The following CHL1 variants were observed in gnomAD, a reference collection of about 807,000 sequenced individuals.
CHL1 encodes neural cell adhesion molecule L1-like protein.
CHL1 carries 96 observed loss-of-function variants against 141.9 expected under a neutral mutation model. That is an observed-to-expected ratio of 0.68 (90% confidence interval 0.57 to 0.80). CHL1 has a LOEUF of 0.80. CHL1 is among the 30% of genes least tolerant of loss of function. The pLI is 0.00. For missense variants in CHL1, 1,820 were observed against 1,457.2 expected, an observed-to-expected ratio of 1.25 and a Z score of -4.05; for synonymous variants, 613 against 502.2, an observed-to-expected ratio of 1.22 and a Z score of -2.95.
intron 11 of CHL1, 81 bp from the exon 12 acceptor site, chr3:360,203 T>G: frequency 6.7e-7 from 1 of 1,490,514 alleles, no homozygotes; most frequent in Non-Finnish European, 9.2e-7. Flanking sequence ...ATATAAATAC[T>G]GTGTGACACA....
chr3:380,022 T>C (rs913515426), intron 16 of CHL1, among the ~76,000 whole-genome samples: 3 of 152,150 alleles, frequency 2.0e-5, no homozygotes, highest in Non-Finnish European at 4.4e-5. Flanking sequence ...TTTTTAAAAG[T>C]TTCAGTTGCA....
At chr3:272,202 A>G (rs1039645906) in intron 2 of CHL1, among the ~76,000 whole-genome samples, 2 of 152,184 alleles carry the variant, frequency 1.3e-5, no homozygotes, top group Non-Finnish European at 2.9e-5. Context: ...GAAACACATT[A>G]CATTTGTATA....
At chr3:221,612 G>A (rs145609283) in intron 1 of CHL1, among the ~76,000 whole-genome samples, 5 of 152,298 alleles carry the variant, frequency 3.3e-5, no homozygotes, top group South Asian at 4.1e-4. Flanking sequence ...GAGGGAATTC[G>A]CATGAGCAAC....
At chr3:327,140 G>A (rs1312815938) in intron 4 of CHL1, among the ~76,000 whole-genome samples, 1 of 151,924 alleles carries the variant, frequency 6.6e-6, no homozygotes, top group Admixed American at 6.6e-5. Flanking sequence ...AGTAAAATAA[G>A]TCAGGAGGGT....
chr3:381,373 T>G (rs1707017262), intron 16 of CHL1, among the ~76,000 whole-genome samples: 1 of 151,994 alleles, frequency 6.6e-6, no homozygotes, highest in South Asian at 2.1e-4. Flanking sequence ...TATACTGAGG[T>G]TTGCAGTGGG....
chr3:349,154 CT>C (rs2125194033), intron 9 of CHL1, among the ~76,000 whole-genome samples: 1 of 152,310 alleles, frequency 6.6e-6, no homozygotes, highest in Admixed American at 6.5e-5. Context: ...ACTGGAGGAA[CT>C]TTCAGTGAAA....
At chr3:364,169 T>C (rs1265695384) in intron 14 of CHL1, 1 of 152,232 alleles carries the variant, frequency 6.6e-6, no homozygotes, top group African/African-American at 2.4e-5. Context: ...TTTTTCATCC[T>C]GTTTTCCTTT....
At chr3:198,024 C>A (rs960247180) in intron 1 of CHL1, 2 of 340,346 alleles carry the variant, frequency 5.9e-6, no homozygotes, top group Non-Finnish European at 1.2e-5. Context: ...AGTGTCTCAG[C>A]CAGGGGCAGG....
intron 8 of CHL1, among the ~76,000 whole-genome samples, chr3:344,357 T>C (rs962868108): frequency 1.3e-5 from 2 of 152,118 alleles, no homozygotes; most frequent in African/African-American, 4.8e-5. Context: ...ATAATATTTA[T>C]AAAATTTTGC....
intron 1 of CHL1, among the ~76,000 whole-genome samples, chr3:227,656 G>A (rs1445104977): frequency 6.6e-6 from 1 of 152,212 alleles, no homozygotes; most frequent in African/African-American, 2.4e-5. Flanking sequence ...TGAAATGTCA[G>A]CTTTCTTTAT....
intron 10 of CHL1, among the ~76,000 whole-genome samples, chr3:351,728 C>T (rs1703279643): frequency 6.6e-6 from 1 of 152,064 alleles, no homozygotes; most frequent in Non-Finnish European, 1.5e-5. Flanking sequence ...AATGTCTTTC[C>T]TATTACCAAA....
intron 2 of CHL1, among the ~76,000 whole-genome samples, chr3:288,016 C>T (rs557071350): frequency 2.6e-5 from 4 of 152,202 alleles, no homozygotes; most frequent in Non-Finnish European, 5.9e-5. Flanking sequence ...AATCTGCCCA[C>T]CTTAGCCTCC....
At chr3:297,327 G>C (rs1366544714) in intron 2 of CHL1, among the ~76,000 whole-genome samples, 1 of 152,068 alleles carries the variant, frequency 6.6e-6, no homozygotes, top group Non-Finnish European at 1.5e-5. Flanking sequence ...AAAGAGAAGG[G>C]GTCAGAAAAG....
chr3:210,441 C>T (rs1258342548), intron 1 of CHL1, among the ~76,000 whole-genome samples: 2 of 152,150 alleles, frequency 1.3e-5, no homozygotes, highest in Non-Finnish European at 2.9e-5. Context: ...AGGATGGCTT[C>T]CCTCACATGA....
chr3:364,143 A>C (rs1025717156), intron 14 of CHL1: 5 of 151,064 alleles, frequency 3.3e-5, no homozygotes, highest in African/African-American at 1.2e-4. Context: ...TCCCATATAT[A>C]TCCTTCCTTC....
chr3:260,633 A>G (rs746980046), intron 2 of CHL1, among the ~76,000 whole-genome samples: 2 of 152,178 alleles, frequency 1.3e-5, no homozygotes, highest in Non-Finnish European at 2.9e-5. Flanking sequence ...ACCCAGGTAG[A>G]GCATTTCAAA....
chr3:242,405 G>A (rs1013965573), intron 1 of CHL1, among the ~76,000 whole-genome samples: 7 of 140,580 alleles, frequency 5.0e-5, no homozygotes, highest in Non-Finnish European at 9.3e-5. Flanking sequence ...GACCATCCTG[G>A]CTAACACGGT....
At chr3:322,653 T>TATATAATTATATATATATATATAAA (rs1700678213) in intron 3 of CHL1, among the ~76,000 whole-genome samples, 3 of 104,572 alleles carry the variant, frequency 2.9e-5, no homozygotes, top group African/African-American at 8.5e-5. Context: ...AAAATATATA[T>TATATAATTATATATATATATATAAA]ATATATATAT....
chr3:393,341 G>C (rs1347199186), intron 23 of CHL1, among the ~76,000 whole-genome samples: 3 of 150,970 alleles, frequency 2.0e-5, no homozygotes, highest in African/African-American at 7.3e-5. Flanking sequence ...AAAATTGTAA[G>C]AACTGCAGAA....
Sources: allele counts gnomAD v4.1 joint callset (sites outside exome capture counted in the v4.1 genomes callset), GRCh38; gene constraint gnomAD v4.1.1; transcripts MANE v1.5; gene names NCBI Gene and HGNC (gene_info 2026-07-23, HGNC 2026-07-21).